Variants in ABCA4 observed in about 807,000 individuals in gnomAD.
ABCA4 encodes retinal-specific phospholipid-transporting ATPase ABCA4.
In ABCA4, 196 loss-of-function variants were observed where a neutral mutation model predicts 263.7. That is an observed-to-expected ratio of 0.74 (90% CI 0.66 to 0.84). ABCA4 has a LOEUF of 0.84. Ranked by LOEUF, ABCA4 falls within the 40% of genes least tolerant of loss-of-function variation. The pLI is 0.00. For synonymous variants in ABCA4, 1,133 were observed against 1,094.2 expected (o/e 1.04, Z -0.70); for missense variants, 2,792 against 2,855.1 (o/e 0.98, Z 0.50).
rs750288168 is a variant in ABCA4, at chr1:94,021,415, G to A, written c.4849-6C>T. 6 of 1,614,170 alleles carry A rather than the reference G, an allele frequency of 3.7e-6. No homozygotes were observed. The highest frequency in any genetic ancestry group is 2.2e-5 in the South Asian group (2 of 91,070). On this transcript the variant is annotated splice_polypyrimidine_tract_variant and splice_region_variant and intron_variant, in intron 34 of 49. Coordinates refer to ENST00000370225, the MANE Select transcript of ABCA4 (RefSeq NM_000350.3). Reference sequence around the variant, plus strand: ...CCTTTGTTATTAAACCACACCTAGAGGGTGGAGAGGACATCTGAGACGCTG... The same window carrying A: ...CCTTTGTTATTAAACCACACCTAGAAGGTGGAGAGGACATCTGAGACGCTG...
chr1:94,006,273 C>T (rs1242200526), intron 43 of ABCA4, among the ~76,000 whole-genome samples: 1 of 145,622 alleles, frequency 6.9e-6, no homozygotes. Context: ...TGACAAAAGC[C>T]ACCAAAGGCA....
chr1:94,045,028 C>T (rs896450404), intron 19 of ABCA4, among the ~76,000 whole-genome samples: 1 of 152,222 alleles, frequency 6.6e-6, no homozygotes, highest in African/African-American at 2.4e-5. Flanking sequence ...AAAATGTTCA[C>T]GTGCAGTCAC....
chr1:94,079,292 T>C (rs773384709), intron 9 of ABCA4, 30 bp downstream of exon 9: 5 of 1,613,642 alleles, frequency 3.1e-6, no homozygotes. Flanking sequence ...AGGTCCAGGG[T>C]ACACAAGGCA....
At chr1:94,069,417 C>T (rs1471153344) in intron 11 of ABCA4, among the ~76,000 whole-genome samples, 2 of 152,182 alleles carry the variant, frequency 1.3e-5, no homozygotes, top group Non-Finnish European at 2.9e-5. Flanking sequence ...ACGAATACAT[C>T]CAGGACGTGC....
chr1:94,068,074 T>C (rs1314917547), intron 11 of ABCA4, among the ~76,000 whole-genome samples: 1 of 152,184 alleles, frequency 6.6e-6, no homozygotes, highest in Non-Finnish European at 1.5e-5. Flanking sequence ...CTTTAAATAA[T>C]ATGTCTGGGA....
intron 2 of ABCA4, among the ~76,000 whole-genome samples, chr1:94,111,951 C>T (rs1227137477): frequency 6.6e-6 from 1 of 152,226 alleles, no homozygotes; most frequent in Non-Finnish European, 1.5e-5. Context: ...ATTCCTTCAA[C>T]CACGGTGAAC....
intron 26 of ABCA4, among the ~76,000 whole-genome samples, chr1:94,034,821 G>A (rs1157103715): frequency 1.3e-5 from 2 of 152,134 alleles, no homozygotes; most frequent in Non-Finnish European, 2.9e-5. Context: ...GTGCTTTGAG[G>A]TAAGAGATGG....
Position 94,007,727 on chromosome 1 carries a change from A to G in ABCA4, c.5912T>C (p.Leu1971Pro). The G allele has an allele frequency of 6.2e-7, 1 of 1,614,046 alleles. No homozygotes were observed. Among genetic ancestry groups the G allele is most frequent in the Non-Finnish European group, 8.5e-7 (1 of 1,180,012 alleles). Reference sequence around the variant, plus strand: ...TGTTTTGCCGGCACCATTCACTCCCAGGAGGCCAAAGCACTAGGAGAAAAC... The same window carrying G: ...TGTTTTGCCGGCACCATTCACTCCCGGGAGGCCAAAGCACTAGGAGAAAAC... Reference protein sequence around the residue: ...GVRPGECFGLLGVNGAGKTTT... With the variant: ...GVRPGECFGLPGVNGAGKTTT... The change falls in exon 43 of 50, where the codon CTG (leucine) becomes CCG (proline). Residue 1971 changes from leucine to proline, a missense_variant. Physicochemically the swap from Leu to Pro is moderately conservative, Grantham distance 98. Coordinates refer to ENST00000370225, the MANE Select transcript of ABCA4 (RefSeq NM_000350.3).
rs187354107 is a variant in ABCA4 at position 94,042,743 on chromosome 1, C to T, written c.3328+18G>A. On this transcript the variant is annotated intron_variant, in intron 22 of 49. Coordinates refer to ENST00000370225, the MANE Select transcript of ABCA4 (RefSeq NM_000350.3). The stretch of plus-strand genomic sequence containing the variant: ...TGCAGTGAGAGCCCAGCCCAGGAGA[C>T]TGAGCAGCAGCTGTTACCTGAGCGA... 3.1e-4 allele frequency: 507 copies of T among 1,614,166 alleles called. 1 individual carries two copies. The African/African-American group carries it at 3.8e-3, about 12-fold the overall frequency.
chr1:94,079,506 T>C, intron 8 of ABCA4, 45 bp from the exon 9 acceptor site: 1 of 1,613,568 alleles, frequency 6.2e-7, no homozygotes, highest in Non-Finnish European at 8.5e-7. Flanking sequence ...TCCCCATTGC[T>C]TGTAACTCAA....
At position 94,048,993 on chromosome 1, in the gene ABCA4, G is replaced by A. The variant is rs145368920; in HGVS notation, c.2654-36C>T. On this transcript the variant is annotated intron_variant, in intron 17 of 49. Coordinates refer to ENST00000370225, the MANE Select transcript of ABCA4 (RefSeq NM_000350.3). ...CAGAAGCCAGTGTTACTCTACCACCGGGAGCTGAGAACGAGCAAAGGCAGG... is the reference window on the plus strand; with the variant it reads ...CAGAAGCCAGTGTTACTCTACCACCAGGAGCTGAGAACGAGCAAAGGCAGG... 1.7e-3 allele frequency: 2,674 copies of A among 1,606,228 alleles called. 6 individuals are homozygous for A. Among genetic ancestry groups the A allele is most frequent in the Non-Finnish European group, 2.0e-3 (2,313 of 1,173,288 alleles).
intron 26 of ABCA4, among the ~76,000 whole-genome samples, chr1:94,034,316 C>CT (rs1660283540): frequency 1.3e-5 from 2 of 152,140 alleles, no homozygotes; most frequent in Non-Finnish European, 2.9e-5. Context: ...TTCTCTTCTT[C>CT]TCTCTTCTTC....
In ABCA4 at chr1:94,046,962, T is replaced by A. The variant is rs368846708; in HGVS notation, c.2875A>T (p.Thr959Ser). Reference sequence around the variant, plus strand: ...GCTCCATTGTGGCCCAGGAATGCGGTGATCTGGTTCTCGTAGAAGGTGATG... The same window carrying A: ...GCTCCATTGTGGCCCAGGAATGCGGAGATCTGGTTCTCGTAGAAGGTGATG... ...LNITFYENQITAFLGHNGAGK... is the reference protein window; with the variant it reads ...LNITFYENQISAFLGHNGAGK... Residue 959 changes from threonine to serine, a missense_variant, in exon 19 of 50, where the codon ACC (threonine) becomes TCC (serine). Transcript: ENST00000370225. 221 of 1,613,992 alleles carry A rather than the reference T, an allele frequency of 1.4e-4. No homozygotes were observed. Among genetic ancestry groups the A allele is most frequent in the Non-Finnish European group, 1.8e-4 (212 of 1,180,018 alleles).
At chr1:94,030,077 G>A (rs1454594552) in intron 29 of ABCA4, among the ~76,000 whole-genome samples, 4 of 152,174 alleles carry the variant, frequency 2.6e-5, no homozygotes, top group Non-Finnish European at 5.9e-5. Flanking sequence ...TGGCCACTGT[G>A]TCACTCACGC....
intron 10 of ABCA4, 152 bp downstream of exon 10, chr1:94,078,438 G>A (rs1570405989): frequency 1.5e-6 from 1 of 649,028 alleles, no homozygotes; most frequent in East Asian, 2.7e-5. Flanking sequence ...CTTGGTGACT[G>A]CTTGGAATGA....
Position 94,031,781 on chromosome 1 carries a change from C to G in ABCA4, c.4125G>C (p.Ala1375=), listed in dbSNP as rs776180321. ...HTIRSHKDFL[A]QIVLPATFVF... ...AAACACCGACCGACAATAGTACCTG[C>G]GCCAGGAAGTCCTTGTGGCTGCGGA... Residue 1375 remains alanine (A), a synonymous_variant, in exon 27 of 50, where the codon GCG becomes GCC. Transcript: ENST00000370225. 6.2e-7 allele frequency: 1 copy of G among 1,613,588 alleles called. No individual in the cohort carries two copies. The highest frequency in any genetic ancestry group is 8.5e-7 in the Non-Finnish European group (1 of 1,180,040).
Position 94,083,083 on chromosome 1 carries a change from A to C in ABCA4, c.858+269T>G, listed in dbSNP as rs955462192. ...CTTAGATTCAACTGTAAGTCTTCTGATGATTTATGCCACACCAGGCAAGTT... is the reference window on the plus strand; with the variant it reads ...CTTAGATTCAACTGTAAGTCTTCTGCTGATTTATGCCACACCAGGCAAGTT... On this transcript the variant is annotated intron_variant, in intron 7 of 49. Coordinates refer to ENST00000370225, the MANE Select transcript of ABCA4 (RefSeq NM_000350.3). Among the ~76,000 whole-genome samples, 7 of 152,202 alleles carry C rather than the reference A, an allele frequency of 4.6e-5. No individual in the cohort carries two copies. In the East Asian group the frequency reaches 1.3e-3, roughly 29 times the overall value.
In ABCA4 at chr1:94,055,225, C is replaced by A; in HGVS notation, c.2473G>T (p.Gly825Trp). The A allele has an allele frequency of 6.2e-7, 1 of 1,614,138 alleles. No homozygotes were observed. Among genetic ancestry groups the A allele is most frequent in the East Asian group, 2.2e-5 (1 of 44,870 alleles). Residue 825 changes from glycine to tryptophan, a missense_variant, in exon 16 of 50, where the codon GGG (glycine) becomes TGG (tryptophan). Gly to Trp is a radical substitution (Grantham distance 184). Transcript: ENST00000370225. The stretch of plus-strand genomic sequence containing the variant: ...TCGTCCCCTTCCGTGGGACTGTTCC[C>A]GATGTTGCTCCACTGCAGCCCCAGG... ...QGLGLQWSNI[G>W]NSPTEGDEFS...
At chr1:94,053,365 A>G (rs1341956768) in intron 16 of ABCA4, among the ~76,000 whole-genome samples, 3 of 152,192 alleles carry the variant, frequency 2.0e-5, no homozygotes, top group Non-Finnish European at 4.4e-5. Flanking sequence ...CAACCCATTA[A>G]TATAGGAGAA....
Sources: gnomAD v4.1 joint callset for allele counts (sites outside exome capture counted in the v4.1 genomes callset) on GRCh38, gnomAD v4.1.1 for gene constraint, MANE v1.5 for transcripts, NCBI Gene and HGNC (gene_info 2026-07-23, HGNC 2026-07-21) for gene names.